EBF4: variants seen among roughly 807,000 people sequenced by gnomAD.
The protein encoded by EBF4 is EBF transcription factor 4, also known as transcription factor COE4.
A neutral mutation model predicts 67.1 loss-of-function variants in EBF4; 34 were observed. The ratio of observed to expected loss-of-function variants is 0.51; its 90% CI spans 0.39 to 0.67. The LOEUF is 0.67. EBF4 is among the 30% of genes least tolerant of loss of function. EBF4 has a pLI of 0.00. For missense variants in EBF4, 837 were observed against 873.3 expected, an observed-to-expected ratio of 0.96 and a Z score of 0.52; for synonymous variants, 387 against 377.7, an observed-to-expected ratio of 1.02 and a Z score of -0.29.
intron 6 of EBF4, among the ~76,000 whole-genome samples, chr20:2,724,557 A>G (rs2087724728): frequency 6.6e-6 from 1 of 152,180 alleles, no homozygotes; most frequent in African/African-American, 2.4e-5. Flanking sequence ...ACAATTCCAC[A>G]TTGACAGTTA....
At chr20:2,736,479 A>G (rs1447704995) in intron 6 of EBF4, among the ~76,000 whole-genome samples, 1 of 152,152 alleles carries the variant, frequency 6.6e-6, no homozygotes, top group Non-Finnish European at 1.5e-5. Flanking sequence ...TCAATGCAAC[A>G]TTCCCTGTTT....
chr20:2,697,727 T>C (rs1418603781), intron 1 of EBF4, among the ~76,000 whole-genome samples: 1 of 151,944 alleles, frequency 6.6e-6, no homozygotes, highest in Non-Finnish European at 1.5e-5. Context: ...CAGGACGTTA[T>C]CTCTGAGATC....
intron 4 of EBF4, among the ~76,000 whole-genome samples, chr20:2,706,513 G>C (rs1312496586): frequency 1.3e-5 from 2 of 152,176 alleles, no homozygotes; most frequent in Non-Finnish European, 2.9e-5. Flanking sequence ...CCCAGCCTTA[G>C]ATGGGAACTC....
At chr20:2,712,647 T>C (rs1024722591) in intron 6 of EBF4, among the ~76,000 whole-genome samples, 2 of 152,060 alleles carry the variant, frequency 1.3e-5, no homozygotes, top group African/African-American at 4.8e-5. Flanking sequence ...AGATGTAAAT[T>C]TGAATGAATG....
intron 6 of EBF4, among the ~76,000 whole-genome samples, chr20:2,748,216 G>A (rs2088080057): frequency 6.6e-6 from 1 of 152,176 alleles, no homozygotes; most frequent in Non-Finnish European, 1.5e-5. Context: ...TGAGTAATAA[G>A]TATAGGTAGT....
At chr20:2,712,611 G>A (rs760827638) in intron 6 of EBF4, among the ~76,000 whole-genome samples, 1 of 152,092 alleles carries the variant, frequency 6.6e-6, no homozygotes, top group Non-Finnish European at 1.5e-5. Context: ...CATGAGGATG[G>A]GACTCAAGAG....
chr20:2,721,246 C>CTTTTTTTTTTT (rs146844927), intron 6 of EBF4, among the ~76,000 whole-genome samples: 17 of 108,106 alleles, frequency 1.6e-4, no homozygotes, highest in East Asian at 2.6e-4. Context: ...TGATTCTCTT[C>CTTTTTTTTTTT]TTTTTTTTTT....
chr20:2,715,108 C>T (rs986993424), intron 6 of EBF4, among the ~76,000 whole-genome samples: 1 of 152,142 alleles, frequency 6.6e-6, no homozygotes, highest in African/African-American at 2.4e-5. Context: ...CCAGCTCCCC[C>T]CAGTCCCCAT....
At chr20:2,725,586 T>C (rs1197038761) in intron 6 of EBF4, among the ~76,000 whole-genome samples, 1 of 152,224 alleles carries the variant, frequency 6.6e-6, no homozygotes, top group Admixed American at 6.5e-5. Context: ...CATGGTGGCT[T>C]GTTTCTGTGT....
Position 2,693,792 on chromosome 20 carries a change from C to T in EBF4, c.137+10C>T. On this transcript the variant is annotated intron_variant, in intron 1 of 16. Transcript: ENST00000609451. The surrounding 1 kb of genome is among the most constrained non-coding windows in gnomAD (Gnocchi z 4.6). ...GCACCGCGGCGCAGAGGTAAGCGCTCGGACCGGACCCGGTGCGCTCGGGTT... is the reference window on the plus strand; with the variant it reads ...GCACCGCGGCGCAGAGGTAAGCGCTTGGACCGGACCCGGTGCGCTCGGGTT... 7.7e-7 allele frequency: 1 copy of T among 1,290,766 alleles called. No homozygotes were observed. The highest frequency in any genetic ancestry group is 9.8e-7 in the Non-Finnish European group (1 of 1,018,434). The allele number at this position is 1,290,766 out of a possible 1,614,324, so 80.0% of individuals were successfully genotyped here. A position where few individuals can be genotyped will look rare whatever the true frequency, so the allele number is the denominator to read the frequency against.
Position 2,737,935 on chromosome 20 carries a change from A to G in EBF4, c.558-10614A>G, listed in dbSNP as rs11908445. On this transcript the variant is annotated intron_variant, in intron 6 of 16. Coordinates refer to ENST00000609451, the Ensembl canonical transcript of EBF4. ...AGCCGAGATCGCGCCATTGCACTCCAGCCTGGGCAACAGAGCGAGACTCCA... is the reference window on the plus strand; with the variant it reads ...AGCCGAGATCGCGCCATTGCACTCCGGCCTGGGCAACAGAGCGAGACTCCA... 7.8e-3 allele frequency among the ~76,000 whole-genome samples: 1,175 copies of G among 151,176 alleles called. 13 individuals carry two copies. Among genetic ancestry groups the G allele is most frequent in the African/African-American group, 0.027 (1,116 of 41,104 alleles).
intron 14 of EBF4, among the ~76,000 whole-genome samples, chr20:2,754,338 T>G (rs1047476204): frequency 6.6e-6 from 1 of 152,072 alleles, no homozygotes; most frequent in Non-Finnish European, 1.5e-5. Context: ...TCTCTCTTTG[T>G]TTTTCTGCTT....
rs1035260435 is a variant in EBF4 at position 2,739,596 on chromosome 20, T to G, written c.558-8953T>G. ...CATAGAAGGTATTTAATAAATCTTT[T>G]TAAGTGGGTGTATGGAATGAATGAG... On this transcript the variant is annotated intron_variant, in intron 6 of 16. Coordinates refer to ENST00000609451, the Ensembl canonical transcript of EBF4. This position sits in a 1 kb window ranked among gnomAD's most constrained non-coding sequence, Gnocchi z 4.5. Among the ~76,000 whole-genome samples the G allele has an allele frequency of 6.6e-6, 1 of 152,196 alleles. No individual in the cohort carries two copies. Among genetic ancestry groups the G allele is most frequent in the Non-Finnish European group, 1.5e-5 (1 of 68,036 alleles).
intron 9 of EBF4, 36 bp downstream of exon 9, chr20:2,749,789 G>A (rs1335619988): frequency 1.7e-5 from 26 of 1,541,260 alleles, no homozygotes; most frequent in Non-Finnish European, 2.2e-5. Context: ...CTGGGCCTAG[G>A]GGCTGGGCCC....
At chr20:2,748,703 A>G (rs541383084) in intron 7 of EBF4, 73 bp downstream of exon 7, 1 of 1,493,990 alleles carries the variant, frequency 6.7e-7, no homozygotes, top group East Asian at 2.5e-5. Context: ...GGGGAAGGGA[A>G]GGCTGTGACC....
In EBF4 at chr20:2,739,140, C is replaced by G. The variant is rs1206235124; in HGVS notation, c.558-9409C>G. Among the ~76,000 whole-genome samples the G allele has an allele frequency of 6.6e-6, 1 of 152,190 alleles. No individual in the cohort carries two copies. Among genetic ancestry groups the G allele is most frequent in the Non-Finnish European group, 1.5e-5 (1 of 68,040 alleles). ...ACAGTAAGCTCCTCATTTCCCTTCC[C>G]TTCTCTAGCGTAGGCCCTTTGGTGC... On this transcript the variant is annotated intron_variant, in intron 6 of 16. Coordinates refer to ENST00000609451, the Ensembl canonical transcript of EBF4. This position sits in a 1 kb window ranked among gnomAD's most constrained non-coding sequence, Gnocchi z 4.5.
At chr20:2,752,472 G>A (rs1228706811) in exon 14 of EBF4, 28 of 1,265,130 alleles carry the variant, frequency 2.2e-5, no homozygotes, top group South Asian at 3.0e-5. Context: ...ACGGCGCGCC[G>A]GGCGTGGCCG....
intron 6 of EBF4, among the ~76,000 whole-genome samples, chr20:2,717,969 C>A (rs976222739): frequency 1.3e-5 from 2 of 152,056 alleles, no homozygotes; most frequent in African/African-American, 4.8e-5. Flanking sequence ...TGCCACCATG[C>A]CCGGCTAATT....
intron 5 of EBF4, 79 bp from the exon 6 acceptor site, chr20:2,709,495 G>GC (rs1477643142): frequency 5.2e-6 from 7 of 1,355,308 alleles, no homozygotes; most frequent in Admixed American, 4.5e-5. Context: ...AGCTCAGGGC[G>GC]CCCCCCACAA....
Sources: allele counts gnomAD v4.1 joint callset (sites outside exome capture counted in the v4.1 genomes callset), GRCh38; gene constraint gnomAD v4.1.1; non-coding constraint Gnocchi (gnomAD v3.1); transcripts MANE v1.5; gene names NCBI Gene and HGNC (gene_info 2026-07-23, HGNC 2026-07-21).